LRRC28: variants seen among roughly 807,000 people sequenced by gnomAD.
LRRC28 encodes leucine-rich repeat-containing protein 28.
A neutral mutation model predicts 45.7 loss-of-function variants in LRRC28; 39 were observed. The observed-to-expected ratio is 0.85, with a 90% CI of 0.66 to 1.12. The LOEUF is 1.12. LRRC28 is among the 50% of genes most tolerant of loss of function. The pLI is 0.00. For missense variants in LRRC28, 435 were observed against 438.5 expected, an observed-to-expected ratio of 0.99 and a Z score of 0.07; for synonymous variants, 206 against 178.8, an observed-to-expected ratio of 1.15 and a Z score of -1.22.
chr15:99,328,932 C>A (rs1956072259), intron 5 of LRRC28, among the ~76,000 whole-genome samples: 1 of 151,854 alleles, frequency 6.6e-6, no homozygotes, highest in Non-Finnish European at 1.5e-5. Context: ...CTGTAGATAT[C>A]CCAGCGTTCC....
intron 9 of LRRC28, among the ~76,000 whole-genome samples, chr15:99,367,802 G>A (rs1957380435): frequency 6.6e-6 from 1 of 152,106 alleles, no homozygotes; most frequent in Non-Finnish European, 1.5e-5. Flanking sequence ...GGGCTTTTAT[G>A]GAGGCTTCAT....
intron 2 of LRRC28, among the ~76,000 whole-genome samples, chr15:99,268,827 T>C (rs1259332072): frequency 3.3e-5 from 5 of 152,254 alleles, no homozygotes; most frequent in Non-Finnish European, 7.3e-5. Context: ...ATCATACTTA[T>C]GGCATGTTTA....
At chr15:99,301,513 A>G (rs1954968734) in intron 5 of LRRC28, among the ~76,000 whole-genome samples, 1 of 152,206 alleles carries the variant, frequency 6.6e-6, no homozygotes, top group Admixed American at 6.5e-5. Context: ...AAGTACTATA[A>G]ACTTTCAATA....
intron 8 of LRRC28, 22 bp from the exon 9 acceptor site, chr15:99,363,084 G>A (rs761538086): frequency 3.8e-6 from 6 of 1,589,800 alleles, no homozygotes; most frequent in African/African-American, 2.7e-5. Context: ...ACTCGTGTGC[G>A]TGATTTTCTT....
chr15:99,293,754 TGAG>T (rs2082196462), intron 5 of LRRC28, among the ~76,000 whole-genome samples: 1 of 151,998 alleles, frequency 6.6e-6, no homozygotes, highest in African/African-American at 2.4e-5. Flanking sequence ...CCTAAAGCAC[TGAG>T]ATTACTGGTG....
chr15:99,315,664 T>G (rs1955567263), intron 5 of LRRC28, among the ~76,000 whole-genome samples: 1 of 152,222 alleles, frequency 6.6e-6, no homozygotes, highest in Non-Finnish European at 1.5e-5. Flanking sequence ...TTATGGGTAA[T>G]GAAGGAGGCC....
At chr15:99,303,663 G>A (rs970898014) in intron 5 of LRRC28, among the ~76,000 whole-genome samples, 7 of 152,030 alleles carry the variant, frequency 4.6e-5, no homozygotes, top group Middle Eastern at 6.8e-3. Context: ...GTGAAACTCC[G>A]TCTCTACTAA....
chr15:99,275,736 C>T (rs1015803487), intron 2 of LRRC28, among the ~76,000 whole-genome samples: 6 of 152,210 alleles, frequency 3.9e-5, no homozygotes, highest in African/African-American at 7.2e-5. Flanking sequence ...CGGTGTTCCT[C>T]AGCTTCCAGT....
intron 5 of LRRC28, among the ~76,000 whole-genome samples, chr15:99,300,000 C>T (rs762529629): frequency 1.3e-5 from 2 of 152,122 alleles, no homozygotes; most frequent in South Asian, 2.1e-4. Context: ...CTGCTCCTGA[C>T]GTAATCTGAA....
In LRRC28 at chr15:99,293,593, C is replaced by CCAAAAAAAAAAAAAAAAAAAAAA. The variant is rs747700282; in HGVS notation, c.385+5642_385+5643insCAAAAAAAAAAAAAAAAAAAAAA. On this transcript the variant is annotated intron_variant, in intron 5 of 9. Coordinates refer to ENST00000301981, the MANE Select transcript of LRRC28 (RefSeq NM_144598.5). Reference sequence around the variant, plus strand: ...GGGCAACAAGAACGAAACTCTGTCACAAAAAAAAAAAAAAAAAAAAAAAAA... The same window carrying CCAAAAAAAAAAAAAAAAAAAAAA: ...GGGCAACAAGAACGAAACTCTGTCACCAAAAAAAAAAAAAAAAAAAAAAAAAAAAAAAAAAAAAAAAAAAAAAA... Among the ~76,000 whole-genome samples, 19 of 44,080 alleles carry CCAAAAAAAAAAAAAAAAAAAAAA rather than the reference C, an allele frequency of 4.3e-4. 2 individuals are homozygous for CCAAAAAAAAAAAAAAAAAAAAAA. The highest frequency in any genetic ancestry group is 7.5e-4 in the Non-Finnish European group (17 of 22,732). 28.9% of individuals were successfully genotyped at this position (44,080 alleles called of 152,430 possible). A position where few individuals can be genotyped will look rare whatever the true frequency, so the allele number is the denominator to read the frequency against.
At position 99,339,749 on chromosome 15, in the gene LRRC28, G is replaced by T. The variant is rs561508790; in HGVS notation, c.592+5620G>T. ...AAAAAGCGATTGAATTTGTAATCAGGAACGTTTAGCACAGGACATTGAGAT... is the reference window on the plus strand; with the variant it reads ...AAAAAGCGATTGAATTTGTAATCAGTAACGTTTAGCACAGGACATTGAGAT... On this transcript the variant is annotated intron_variant, in intron 6 of 9. Coordinates refer to ENST00000301981, the MANE Select transcript of LRRC28 (RefSeq NM_144598.5). Among the ~76,000 whole-genome samples, 5 of 151,804 alleles carry T rather than the reference G, an allele frequency of 3.3e-5. No individual in the cohort carries two copies. In the East Asian group the frequency reaches 9.7e-4, roughly 29 times the overall value.
intron 3 of LRRC28, among the ~76,000 whole-genome samples, chr15:99,277,504 T>A (rs1249646886): frequency 1.3e-5 from 2 of 152,114 alleles, no homozygotes; most frequent in Non-Finnish European, 2.9e-5. Flanking sequence ...ACAGACATAA[T>A]GTCATTATCA....
intron 3 of LRRC28, among the ~76,000 whole-genome samples, chr15:99,279,620 A>T (rs1468315555): frequency 6.6e-6 from 1 of 152,230 alleles, no homozygotes; most frequent in Admixed American, 6.5e-5. Flanking sequence ...TTGGTTTTTC[A>T]GGCTTCTGCA....
intron 6 of LRRC28, among the ~76,000 whole-genome samples, chr15:99,343,762 A>T (rs1956593892): frequency 1.3e-5 from 2 of 152,258 alleles, no homozygotes; most frequent in African/African-American, 4.8e-5. Flanking sequence ...AGTGGTTAGT[A>T]CACGAGTGAT....
intron 6 of LRRC28, among the ~76,000 whole-genome samples, chr15:99,335,967 C>T (rs1956308119): frequency 2.0e-5 from 3 of 152,138 alleles, no homozygotes; most frequent in African/African-American, 7.2e-5. Context: ...CAGCCTTTAA[C>T]TTACTGTGGC....
At chr15:99,287,515 G>A (rs1286356551) in intron 4 of LRRC28, among the ~76,000 whole-genome samples, 1 of 152,146 alleles carries the variant, frequency 6.6e-6, no homozygotes, top group Non-Finnish European at 1.5e-5. Flanking sequence ...ATAATAAGTT[G>A]TAAATTTAAT....
intron 5 of LRRC28, among the ~76,000 whole-genome samples, chr15:99,322,556 C>T (rs1955836365): frequency 6.6e-6 from 1 of 152,016 alleles, no homozygotes; most frequent in African/African-American, 2.4e-5. Flanking sequence ...TTGGTCATTA[C>T]CCAGTTCATA....
intron 5 of LRRC28, among the ~76,000 whole-genome samples, chr15:99,289,451 C>T (rs2082049582): frequency 6.6e-6 from 1 of 152,094 alleles, no homozygotes; most frequent in South Asian, 2.1e-4. Flanking sequence ...TTACAAATTA[C>T]TACCTGTCAT....
At chr15:99,336,410 A>G (rs970435709) in intron 6 of LRRC28, among the ~76,000 whole-genome samples, 2 of 152,210 alleles carry the variant, frequency 1.3e-5, no homozygotes, top group African/African-American at 2.4e-5. Flanking sequence ...TGCTGTCTCC[A>G]TATTTCAGAC....
Sources: allele counts gnomAD v4.1 joint callset (sites outside exome capture counted in the v4.1 genomes callset), GRCh38; gene constraint gnomAD v4.1.1; transcripts MANE v1.5; gene names NCBI Gene and HGNC (gene_info 2026-07-23, HGNC 2026-07-21).